Variants in NAA35 observed in about 807,000 individuals in gnomAD.
NAA35 encodes the protein MAK10 homolog, amino-acid N-acetyltransferase subunit.
NAA35 carries 18 observed loss-of-function variants against 101.7 expected under a neutral mutation model. That is an observed-to-expected ratio of 0.18 (90% CI 0.12 to 0.26). The LOEUF is 0.26. Ranked by LOEUF, NAA35 falls within the 10% of genes least tolerant of loss-of-function variation. The pLI, the probability that NAA35 is intolerant of heterozygous loss-of-function variation, is 1.00. For synonymous variants in NAA35, 267 were observed against 273.1 expected, an observed-to-expected ratio of 0.98 and a Z score of 0.22; for missense variants, 601 against 886.8, an observed-to-expected ratio of 0.68 and a Z score of 4.09.
intron 2 of NAA35, among the ~76,000 whole-genome samples, chr9:85,950,566 T>C (rs1288863870): frequency 6.6e-6 from 1 of 152,140 alleles, no homozygotes; most frequent in African/African-American, 2.4e-5. Flanking sequence ...TAAGGAATCT[T>C]ACGAGTCATC....
intron 2 of NAA35, among the ~76,000 whole-genome samples, chr9:85,945,501 A>C (rs2118247559): frequency 6.6e-6 from 1 of 152,192 alleles, no homozygotes; most frequent in East Asian, 1.9e-4. Flanking sequence ...CCCTTTGGTA[A>C]GAATGTAATG....
chr9:86,011,957 A>C (rs1393155299), intron 15 of NAA35, among the ~76,000 whole-genome samples: 2 of 141,012 alleles, frequency 1.4e-5, no homozygotes, highest in Non-Finnish European at 3.0e-5. Flanking sequence ...ATAGTATATA[A>C]TATATAATGT....
chr9:86,018,514 G>A (rs763320734), intron 20 of NAA35, 119 bp downstream of exon 20: 17 of 1,341,850 alleles, frequency 1.3e-5, no homozygotes, highest in Non-Finnish European at 1.7e-5. Flanking sequence ...AGAATAATAT[G>A]AGGTAGCATA....
At chr9:85,962,319 T>C (rs1829548898) in intron 6 of NAA35, 139 bp downstream of exon 6, 14 of 647,796 alleles carry the variant, frequency 2.2e-5, no homozygotes, top group Non-Finnish European at 3.0e-5. Flanking sequence ...GGTGAAACAC[T>C]GTCTCTACTA....
intron 6 of NAA35, among the ~76,000 whole-genome samples, chr9:85,974,019 C>T (rs7025597): frequency 0.041 from 6,167 of 151,908 alleles, 397 homozygotes; most frequent in African/African-American, 0.14. Flanking sequence ...TGCAGTGGCT[C>T]GATCTCTGCT....
At chr9:85,979,320 CT>C (rs988150299) in intron 11 of NAA35, among the ~76,000 whole-genome samples, 16 of 152,218 alleles carry the variant, frequency 1.1e-4, no homozygotes, top group African/African-American at 3.6e-4. Context: ...CAACTTAGAA[CT>C]TTTTAAAAGA....
At chr9:85,956,092 G>A (rs1038849063) in intron 2 of NAA35, among the ~76,000 whole-genome samples, 2 of 152,054 alleles carry the variant, frequency 1.3e-5, no homozygotes, top group Non-Finnish European at 2.9e-5. Context: ...AATTCTGATT[G>A]GAATATTATG....
rs142098803 is a variant in NAA35 at position 86,017,865 on chromosome 9, G to C, written c.1773+300G>C. 4.1e-3 allele frequency among the ~76,000 whole-genome samples: 620 copies of C among 152,322 alleles called. 6 individuals are homozygous for C. Among genetic ancestry groups the C allele is most frequent in the African/African-American group, 0.014 (577 of 41,578 alleles). Reference sequence around the variant, plus strand: ...CTGTGACAGGTAGTAAGAAAAGGAAGAGAGTACTTCTGATTGATGATCAGG... The same window carrying C: ...CTGTGACAGGTAGTAAGAAAAGGAACAGAGTACTTCTGATTGATGATCAGG... On this transcript the variant is annotated intron_variant, in intron 19 of 22. Transcript: ENST00000361671.
intron 6 of NAA35, among the ~76,000 whole-genome samples, chr9:85,963,451 T>C (rs112899585): frequency 5.9e-5 from 9 of 151,902 alleles, no homozygotes; most frequent in South Asian, 2.1e-4. Context: ...TGTATTTTAG[T>C]AGAGACCCGG....
chr9:85,956,271 C>G, intron 2 of NAA35, 89 bp from the exon 3 acceptor site: 1 of 738,194 alleles, frequency 1.4e-6, no homozygotes, highest in Non-Finnish European at 2.1e-6. Context: ...AATACAAGCA[C>G]ATCTTTTCAG....
chr9:85,951,525 T>C (rs938353657), intron 2 of NAA35, among the ~76,000 whole-genome samples: 1 of 152,254 alleles, frequency 6.6e-6, no homozygotes, highest in African/African-American at 2.4e-5. Flanking sequence ...TATGCTCTGT[T>C]ACATTAAAAT....
In NAA35 at chr9:85,953,750, C is replaced by CT. The variant is rs1207988376; in HGVS notation, c.125-2607dup. On this transcript the variant is annotated intron_variant, in intron 2 of 22. Transcript: ENST00000361671. ...GGCCCTACAGTATTATTATTGACTA[C>CT]TTTAAGTATTTCATTTAAATGGACT... 4.6e-5 allele frequency among the ~76,000 whole-genome samples: 7 copies of CT among 152,194 alleles called. No individual in the cohort carries two copies. In the South Asian group the frequency reaches 1.0e-3, roughly 23 times the overall value.
In NAA35 at chr9:85,967,799, CA is replaced by C. The variant is rs201125485; in HGVS notation, c.516+5631del. On this transcript the variant is annotated intron_variant, in intron 6 of 22. Coordinates refer to ENST00000361671, the MANE Select transcript of NAA35 (RefSeq NM_024635.4). ...CCTGGGTGACAGAGTGAGACTGTCT[CA>C]AAAAAAAAAAAGATTTATAATGAGC... Among the ~76,000 whole-genome samples the C allele has an allele frequency of 2.0e-3, 268 of 134,990 alleles. 4 individuals are homozygous for C. In the South Asian group the frequency reaches 0.038, roughly 19 times the overall value. 88.6% of individuals were successfully genotyped at this position (134,990 alleles called of 152,430 possible). A position where few individuals can be genotyped will look rare whatever the true frequency, so the allele number is the denominator to read the frequency against.
rs1455451842 is a variant in NAA35 at position 86,022,031 on chromosome 9, C to CA, written c.*72dup. 2.5e-5 allele frequency: 28 copies of CA among 1,133,454 alleles called. No individual in the cohort carries two copies. In the Admixed American group the frequency reaches 3.2e-4, roughly 13 times the overall value. 70.2% of individuals were successfully genotyped at this position (1,133,454 alleles called of 1,614,324 possible). ...ACCCAACTCTTAGAGGGCACATCAC[C>CA]AGGCTCCACATCACGGGAAGTGAGA... is the stretch of plus-strand genomic sequence containing the variant. On this transcript the variant is annotated 3_prime_UTR_variant, in exon 23 of 23. Transcript: ENST00000361671.
rs966905370 is a variant in NAA35, at chr9:86,022,025, C to G, written c.*65C>G. 2.1e-5 allele frequency: 25 copies of G among 1,200,024 alleles called. No homozygotes were observed. Among genetic ancestry groups the G allele is most frequent in the Non-Finnish European group, 3.0e-5 (25 of 820,652 alleles). 74.3% of individuals were successfully genotyped at this position (1,200,024 alleles called of 1,614,324 possible). On this transcript the variant is annotated 3_prime_UTR_variant, in exon 23 of 23. Coordinates refer to ENST00000361671, the MANE Select transcript of NAA35 (RefSeq NM_024635.4). ...TTTCAGACCCAACTCTTAGAGGGCA[C>G]ATCACCAGGCTCCACATCACGGGAA...
chr9:85,980,722 G>T (rs1250211982), intron 11 of NAA35, among the ~76,000 whole-genome samples: 1 of 152,148 alleles, frequency 6.6e-6, no homozygotes, highest in Non-Finnish European at 1.5e-5. Context: ...GCCTTAAAAA[G>T]AATAGTGTAC....
chr9:85,958,336 G>A (rs1829363466), intron 3 of NAA35, 136 bp from the exon 4 acceptor site: 1 of 516,638 alleles, frequency 1.9e-6, no homozygotes, highest in Non-Finnish European at 3.4e-6. Flanking sequence ...TGAAATAGAA[G>A]TGTTAGCAAG....
At chr9:85,975,912 C>G (rs1172144570) in intron 8 of NAA35, among the ~76,000 whole-genome samples, 1 of 152,076 alleles carries the variant, frequency 6.6e-6, no homozygotes, top group Non-Finnish European at 1.5e-5. Context: ...TTCTAGATGA[C>G]CTTGATGATT....
intron 4 of NAA35, among the ~76,000 whole-genome samples, chr9:85,959,468 T>C (rs1045407634): frequency 6.6e-6 from 1 of 152,016 alleles, no homozygotes; most frequent in Admixed American, 6.5e-5. Context: ...AAAGCTGGTT[T>C]GAACTGTGCT....
Sources: gnomAD v4.1 joint callset for allele counts (sites outside exome capture counted in the v4.1 genomes callset) on GRCh38, gnomAD v4.1.1 for gene constraint, MANE v1.5 for transcripts, NCBI Gene and HGNC (gene_info 2026-07-23, HGNC 2026-07-21) for gene names.